Variants in OR7D2 observed in about 807,000 individuals in gnomAD.
OR7D2 encodes the protein olfactory receptor family 7 subfamily D member 2, also known as olfactory receptor 7D2.
For missense variants in OR7D2, 370 were observed against 384.1 expected, an observed-to-expected ratio of 0.96 and a Z score of 0.31; for synonymous variants, 158 against 158.7, an observed-to-expected ratio of 1.00 and a Z score of 0.03.
intron 1 of OR7D2, among the ~76,000 whole-genome samples, chr19:9,180,029 G>GCAAAA (rs1174927298): frequency 6.6e-6 from 1 of 151,224 alleles, no homozygotes; most frequent in African/African-American, 2.4e-5. Flanking sequence ...ACAAAGCAAA[G>GCAAAA]CAAAACAAAA....
chr19:9,185,700 C>A, intron 2 of OR7D2, 69 bp from the exon 3 acceptor site: 1 of 950,570 alleles, frequency 1.1e-6, no homozygotes, highest in Non-Finnish European at 1.6e-6. Flanking sequence ...CCTTCCATCT[C>A]AGCCTCCCGA....
chr19:9,185,953 C>G lies in OR7D2; in HGVS notation c.172C>G (p.Pro58Ala). Residue 58 changes from proline (P) to alanine (A), a missense_variant, in exon 3 of 3, where the codon CCC becomes GCC. Physicochemically the swap from Pro to Ala is conservative, Grantham distance 27 (BLOSUM62 -1). Transcript: ENST00000641288. ...AISSDSHLHT[P>A]MYFFLSNLSW... is the part of the protein sequence containing the mutation. ...CAGCTCTGACTCCCACCTCCACACC[C>G]CCATGTACTTCTTCCTCTCCAACCT... The G allele has an allele frequency of 6.2e-7, 1 of 1,614,160 alleles. No homozygotes were observed. Among genetic ancestry groups the G allele is most frequent in the East Asian group, 2.2e-5 (1 of 44,888 alleles).
At chr19:9,182,897 T>G in intron 2 of OR7D2, 1 of 364,968 alleles carries the variant, frequency 2.7e-6, no homozygotes, top group Non-Finnish European at 5.5e-6. Flanking sequence ...CTCAGCAAAT[T>G]GACCTGGGCC....
At chr19:9,179,368 C>T (rs2050974747) in intron 1 of OR7D2, among the ~76,000 whole-genome samples, 1 of 151,664 alleles carries the variant, frequency 6.6e-6, no homozygotes, top group Non-Finnish European at 1.5e-5. Flanking sequence ...GGTGAAACCC[C>T]ATCTCATCTA....
At chr19:9,181,727 C>T (rs1397263193) in intron 2 of OR7D2, among the ~76,000 whole-genome samples, 1 of 152,096 alleles carries the variant, frequency 6.6e-6, no homozygotes, top group Non-Finnish European at 1.5e-5. Context: ...GCTGGGATCC[C>T]AAGTGTAAGC....
In OR7D2 at chr19:9,183,477, T is replaced by A. The variant is rs1555716442; in HGVS notation, c.-13-2292T>A. Among the ~76,000 whole-genome samples the A allele has an allele frequency of 4.1e-4, 63 of 152,056 alleles. 1 individual carries two copies. Among genetic ancestry groups the A allele is most frequent in the Non-Finnish European group, 2.9e-5 (2 of 67,948 alleles). On this transcript the variant is annotated intron_variant, in intron 2 of 2. Coordinates refer to ENST00000641288, the MANE Select transcript of OR7D2 (RefSeq NM_175883.4). Reference sequence around the variant, plus strand: ...TTTTTTTGTAGAGAGCAAGTCTTACTGTGTTGTTCGGGCTGGTCTTGAACT... The same window carrying A: ...TTTTTTTGTAGAGAGCAAGTCTTACAGTGTTGTTCGGGCTGGTCTTGAACT...
chr19:9,181,771 A>G (rs1279993166), intron 2 of OR7D2, among the ~76,000 whole-genome samples: 1 of 152,124 alleles, frequency 6.6e-6, no homozygotes, highest in East Asian at 1.9e-4. Context: ...ATTTTATGGC[A>G]CTGACATTTT....
At position 9,186,942 on chromosome 19, in the gene OR7D2, G is replaced by A. The variant is rs549993631; in HGVS notation, c.*222G>A. The A allele has an allele frequency of 7.2e-5, 28 of 387,202 alleles. No individual in the cohort carries two copies. The highest frequency in any genetic ancestry group is 9.4e-5 in the East Asian group (2 of 21,168). The allele number at this position is 387,202 out of a possible 1,614,324, so 24.0% of individuals were successfully genotyped here. A position where few individuals can be genotyped will look rare whatever the true frequency, so the allele number is the denominator to read the frequency against. On this transcript the variant is annotated 3_prime_UTR_variant, in exon 3 of 3. Coordinates refer to ENST00000641288, the MANE Select transcript of OR7D2 (RefSeq NM_175883.4). ...GGCACTTTTTTTTCTTTTTTGAGAC[G>A]GAGTCTCACTCTGTCTCCCAGGCTG...
intron 2 of OR7D2, among the ~76,000 whole-genome samples, chr19:9,183,781 C>T (rs909556078): frequency 6.8e-6 from 1 of 146,332 alleles, no homozygotes; most frequent in Non-Finnish European, 1.5e-5. Flanking sequence ...CACGGTGAAA[C>T]CCCGTCTCTA....
chr19:9,184,532 A>T (rs1029569088), intron 2 of OR7D2, among the ~76,000 whole-genome samples: 13 of 152,298 alleles, frequency 8.5e-5, no homozygotes, highest in Admixed American at 7.9e-4. Flanking sequence ...ATTAAATATG[A>T]TCCAGCAATC....
Position 9,186,103 on chromosome 19 carries a change from C to T in OR7D2, c.322C>T (p.Pro108Ser). Residue 108 changes from proline to serine, a missense_variant, in exon 3 of 3, where the codon CCT (proline) becomes TCT (serine). Coordinates refer to ENST00000641288, the MANE Select transcript of OR7D2 (RefSeq NM_175883.4). Reference protein sequence around the residue: ...LTQVYFSMFFPILDTLLLTVM... With the variant: ...LTQVYFSMFFSILDTLLLTVM... ...ACAGGTCTATTTCTCCATGTTTTTTCCTATTCTGGACACGCTACTCCTGAC... is the reference window on the plus strand; with the variant it reads ...ACAGGTCTATTTCTCCATGTTTTTTTCTATTCTGGACACGCTACTCCTGAC... The T allele has an allele frequency of 6.2e-7, 1 of 1,614,034 alleles. No homozygotes were observed. The highest frequency in any genetic ancestry group is 8.5e-7 in the Non-Finnish European group (1 of 1,179,978).
chr19:9,184,275 G>T (rs575006568), intron 2 of OR7D2, among the ~76,000 whole-genome samples: 1 of 151,940 alleles, frequency 6.6e-6, no homozygotes, highest in Non-Finnish European at 1.5e-5. Context: ...TTAGCTAGGC[G>T]TGGTGGCACA....
intron 2 of OR7D2, among the ~76,000 whole-genome samples, chr19:9,181,433 C>T (rs1056628701): frequency 7.0e-5 from 10 of 143,250 alleles, no homozygotes; most frequent in African/African-American, 2.6e-4. Context: ...TAATCTGGAA[C>T]ATTTCCTAGA....
At chr19:9,185,060 A>G (rs907873077) in intron 2 of OR7D2, among the ~76,000 whole-genome samples, 2 of 152,152 alleles carry the variant, frequency 1.3e-5, no homozygotes, top group African/African-American at 4.8e-5. Context: ...ATGTAGGATA[A>G]TGGATATAAA....
chr19:9,182,645 G>A (rs953708030), intron 2 of OR7D2, among the ~76,000 whole-genome samples: 5 of 151,880 alleles, frequency 3.3e-5, no homozygotes, highest in African/African-American at 7.3e-5. Flanking sequence ...TCAGCCTCAC[G>A]AGTAGCTGGG....
chr19:9,187,810 T>C lies in OR7D2; in HGVS notation c.*1090T>C, dbSNP rs1377529283. On this transcript the variant is annotated 3_prime_UTR_variant, in exon 3 of 3. Transcript: ENST00000641288. ...CCAGGTTTTTCATTCCTGAGTTACTTCACCTAGAGTAATGACCTCCAGTTC... is the reference window on the plus strand; with the variant it reads ...CCAGGTTTTTCATTCCTGAGTTACTCCACCTAGAGTAATGACCTCCAGTTC... The C allele has an allele frequency of 6.0e-6, 1 of 165,836 alleles. No individual in the cohort carries two copies. The highest frequency in any genetic ancestry group is 2.4e-5 in the African/African-American group (1 of 41,454). The allele number at this position is 165,836 out of a possible 1,614,324, so 10.3% of individuals were successfully genotyped here.
intron 1 of OR7D2, among the ~76,000 whole-genome samples, chr19:9,179,715 A>G (rs1389387243): frequency 1.3e-5 from 2 of 152,014 alleles, no homozygotes; most frequent in Non-Finnish European, 1.5e-5. Flanking sequence ...GTATAATATA[A>G]TAGTTCTCGG....
chr19:9,186,725 TCC>T lies in OR7D2; in HGVS notation c.*7_*8del, dbSNP rs775578656. 3 of 1,576,374 alleles carry T rather than the reference TCC, an allele frequency of 1.9e-6. No individual in the cohort carries two copies. Among genetic ancestry groups the T allele is most frequent in the Non-Finnish European group, 2.6e-6 (3 of 1,163,650 alleles). On this transcript the variant is annotated 3_prime_UTR_variant, in exon 3 of 3. Transcript: ENST00000641288. The stretch of plus-strand genomic sequence containing the variant: ...AGGGCAGCCTCTTGTTTGTGATGGA[TCC>T]CTTGGCCCCAGGACTAAGAAGTTTT...
intron 2 of OR7D2, among the ~76,000 whole-genome samples, chr19:9,184,220 C>A (rs139701727): frequency 5.9e-4 from 89 of 151,658 alleles, no homozygotes; most frequent in African/African-American, 2.1e-3. Context: ...CAAGGTGAAA[C>A]CCTGTCTCTA....
Sources: gnomAD v4.1 joint callset for allele counts (sites outside exome capture counted in the v4.1 genomes callset) on GRCh38, gnomAD v4.1.1 for gene constraint, MANE v1.5 for transcripts, NCBI Gene and HGNC (gene_info 2026-07-23, HGNC 2026-07-21) for gene names.